FRMD4A: variants seen among roughly 807,000 people sequenced by gnomAD.
FRMD4A encodes FERM domain containing 4A.
A neutral mutation model predicts 129.1 loss-of-function variants in FRMD4A; 29 were observed. The observed-to-expected ratio is 0.22, with a 90% CI of 0.17 to 0.31. The LOEUF is 0.31. Ranked by LOEUF, FRMD4A falls within the 10% of genes least tolerant of loss-of-function variation. The probability of loss-of-function intolerance (pLI) is 1.00; values close to 1 mark genes in which losing one functional copy is unlikely to be tolerated. For missense variants in FRMD4A, 1,272 were observed against 1,375.8 expected (o/e 0.92, Z 1.19); for synonymous variants, 634 against 571.6 (o/e 1.11, Z -1.56).
intron 3 of FRMD4A, among the ~76,000 whole-genome samples, chr10:13,844,170 A>T (rs1464551464): frequency 1.3e-5 from 2 of 151,766 alleles, no homozygotes; most frequent in East Asian, 3.9e-4. Flanking sequence ...TATGTATGTG[A>T]GTGTGTGTGT....
At chr10:14,201,827 G>GT (rs1842644500) in intron 2 of FRMD4A, among the ~76,000 whole-genome samples, 1 of 152,150 alleles carries the variant, frequency 6.6e-6, no homozygotes, top group African/African-American at 2.4e-5. Context: ...GAAGACCTTC[G>GT]TGTCTTTAAA....
intron 2 of FRMD4A, among the ~76,000 whole-genome samples, chr10:13,980,537 C>T (rs2095556952): frequency 6.6e-6 from 1 of 152,046 alleles, no homozygotes; most frequent in Non-Finnish European, 1.5e-5. Flanking sequence ...CGAGACCAGC[C>T]TGGGCAACAT....
chr10:13,993,274 G>C (rs1181322925), intron 2 of FRMD4A, among the ~76,000 whole-genome samples: 1 of 152,194 alleles, frequency 6.6e-6, no homozygotes, highest in African/African-American at 2.4e-5. Context: ...GTGAGATCCA[G>C]AGTTCCTCAG....
intron 3 of FRMD4A, among the ~76,000 whole-genome samples, chr10:13,853,656 C>T (rs1259545143): frequency 2.0e-5 from 3 of 151,832 alleles, no homozygotes; most frequent in Non-Finnish European, 4.4e-5. Flanking sequence ...CAACACGGCG[C>T]AACCCTGTCT....
intron 12 of FRMD4A, among the ~76,000 whole-genome samples, chr10:13,709,758 G>A (rs144584275): frequency 6.6e-6 from 1 of 152,258 alleles, no homozygotes; most frequent in Non-Finnish European, 1.5e-5. Context: ...CGACCTGAGG[G>A]CCCTTTGCTC....
intron 2 of FRMD4A, among the ~76,000 whole-genome samples, chr10:14,279,066 T>C (rs1448519468): frequency 6.6e-6 from 1 of 152,150 alleles, no homozygotes; most frequent in East Asian, 1.9e-4. Flanking sequence ...AGCACCTGTG[T>C]TGGAGTCCAT....
chr10:14,131,402 C>CCCCT (rs1024575229), intron 2 of FRMD4A, among the ~76,000 whole-genome samples: 1 of 151,752 alleles, frequency 6.6e-6, no homozygotes, highest in Non-Finnish European at 1.5e-5. Flanking sequence ...CTGTGCCCCC[C>CCCCT]CCGGCCGCCC....
Position 14,237,256 on chromosome 10 carries a change from G to A in FRMD4A, c.45+92802C>T, listed in dbSNP as rs186643179. On this transcript the variant is annotated intron_variant, in intron 2 of 24. Coordinates refer to ENST00000357447, the MANE Select transcript of FRMD4A (RefSeq NM_018027.5). Reference sequence around the variant, plus strand: ...ATATGGGGTTAGGAGATGTGTGCTAGGTGCTGTTTCTTATACTTTTTCAGC... The same window carrying A: ...ATATGGGGTTAGGAGATGTGTGCTAAGTGCTGTTTCTTATACTTTTTCAGC... Among the ~76,000 whole-genome samples the A allele has an allele frequency of 6.6e-5, 10 of 152,182 alleles. 1 individual carries two copies. Among genetic ancestry groups the A allele is most frequent in the African/African-American group, 2.4e-4 (10 of 41,528 alleles).
chr10:13,876,424 T>G (rs2094489705), intron 2 of FRMD4A, among the ~76,000 whole-genome samples: 1 of 152,182 alleles, frequency 6.6e-6, no homozygotes, highest in African/African-American at 2.4e-5. Context: ...ATGCTACCAA[T>G]TTTTCTCATA....
At chr10:13,999,594 C>A (rs2095634502) in intron 2 of FRMD4A, among the ~76,000 whole-genome samples, 1 of 152,172 alleles carries the variant, frequency 6.6e-6, no homozygotes, top group African/African-American at 2.4e-5. Context: ...ATGAGGAAAG[C>A]CAGTCAGGCT....
chr10:13,702,990 G>A (rs77576774), intron 13 of FRMD4A, among the ~76,000 whole-genome samples: 2,107 of 151,512 alleles, frequency 0.014, 58 homozygotes, highest in African/African-American at 0.049. Flanking sequence ...CAGGGAGAGA[G>A]CGAGGGGGAG....
At chr10:14,057,692 T>A (rs567571955) in intron 2 of FRMD4A, among the ~76,000 whole-genome samples, 57 of 152,196 alleles carry the variant, frequency 3.7e-4, no homozygotes, top group African/African-American at 1.4e-3. Flanking sequence ...AGCCTCAGCC[T>A]CCCAAGTAGC....
intron 2 of FRMD4A, among the ~76,000 whole-genome samples, chr10:14,207,208 A>T (rs1057272910): frequency 5.3e-5 from 8 of 152,224 alleles, no homozygotes; most frequent in Admixed American, 5.2e-4. Flanking sequence ...ACTACAAAAG[A>T]TGCTCATATT....
intron 2 of FRMD4A, among the ~76,000 whole-genome samples, chr10:14,151,621 A>C (rs906072559): frequency 1.3e-5 from 2 of 152,116 alleles, no homozygotes; most frequent in East Asian, 3.8e-4. Context: ...GTGATAAGCA[A>C]GGACATGTAC....
At chr10:13,785,435 A>G (rs1244227884) in intron 5 of FRMD4A, among the ~76,000 whole-genome samples, 1 of 152,152 alleles carries the variant, frequency 6.6e-6, no homozygotes, top group Non-Finnish European at 1.5e-5. Context: ...GGTGTCTTAT[A>G]TCACCAAGGT....
chr10:13,675,771 T>A (rs575669323), intron 15 of FRMD4A: 5 of 152,270 alleles, frequency 3.3e-5, no homozygotes, highest in African/African-American at 1.2e-4. Flanking sequence ...GCAAAGATAA[T>A]GTGTGTTTAT....
intron 2 of FRMD4A, among the ~76,000 whole-genome samples, chr10:14,172,713 C>T (rs1328413274): frequency 6.6e-6 from 1 of 152,172 alleles, no homozygotes; most frequent in Non-Finnish European, 1.5e-5. Flanking sequence ...ATTTTCTTTG[C>T]TGTGGTAGGG....
At chr10:13,689,100 T>C (rs1457503998) in intron 15 of FRMD4A, among the ~76,000 whole-genome samples, 1 of 151,170 alleles carries the variant, frequency 6.6e-6, no homozygotes, top group Non-Finnish European at 1.5e-5. Flanking sequence ...AAGGTAATTA[T>C]GTGTCCTTAA....
intron 3 of FRMD4A, among the ~76,000 whole-genome samples, chr10:13,853,066 T>C (rs2094161457): frequency 6.6e-6 from 1 of 152,180 alleles, no homozygotes; most frequent in Non-Finnish European, 1.5e-5. Context: ...GTCTTGCCAA[T>C]GGCCACTAAG....
Sources: gnomAD v4.1 joint callset for allele counts (sites outside exome capture counted in the v4.1 genomes callset) on GRCh38, gnomAD v4.1.1 for gene constraint, MANE v1.5 for transcripts, NCBI Gene and HGNC (gene_info 2026-07-23, HGNC 2026-07-21) for gene names.